Variants in GLT8D2 observed in about 807,000 individuals in gnomAD.
The protein encoded by GLT8D2 is glycosyltransferase 8 domain containing 2.
In GLT8D2, 45 loss-of-function variants were observed where a neutral mutation model predicts 44.5. The observed-to-expected ratio is 1.01, with a 90% CI of 0.80 to 1.30. GLT8D2 has a LOEUF of 1.30. Ranked by LOEUF, GLT8D2 falls within the 50% of genes most tolerant of loss-of-function variation. GLT8D2 has a pLI of 0.00. For synonymous variants in GLT8D2, 156 were observed against 157.2 expected (o/e 0.99, Z 0.06); for missense variants, 400 against 430.4 (o/e 0.93, Z 0.62).
intron 3 of GLT8D2, among the ~76,000 whole-genome samples, chr12:104,016,199 A>G (rs980049617): frequency 4.6e-5 from 7 of 152,196 alleles, no homozygotes; most frequent in African/African-American, 1.4e-4. Flanking sequence ...CCCATTTAGT[A>G]TGATACTAGC....
At chr12:104,045,925 AAG>A (rs1334547178) in intron 1 of GLT8D2, among the ~76,000 whole-genome samples, 6 of 148,856 alleles carry the variant, frequency 4.0e-5, no homozygotes, top group South Asian at 2.2e-4. Context: ...GAAAGAAAGA[AAG>A]AAAGAAAGAA....
chr12:104,036,879 T>A (rs1879980895), intron 1 of GLT8D2, among the ~76,000 whole-genome samples: 1 of 152,164 alleles, frequency 6.6e-6, no homozygotes, highest in South Asian at 2.1e-4. Flanking sequence ...AGCACCACAC[T>A]GCACTTATTC....
chr12:104,009,706 C>T (rs187393358), intron 4 of GLT8D2, among the ~76,000 whole-genome samples: 7 of 152,284 alleles, frequency 4.6e-5, no homozygotes, highest in Admixed American at 4.6e-4. Context: ...CCCATATTTC[C>T]CACATGTTGT....
chr12:104,000,641 T>C (rs888302674), intron 5 of GLT8D2, among the ~76,000 whole-genome samples: 3 of 152,238 alleles, frequency 2.0e-5, no homozygotes, highest in Non-Finnish European at 4.4e-5. Flanking sequence ...GGTTCATGCC[T>C]TTTGTTAAGG....
chr12:104,019,286 C>T (rs887874909), intron 3 of GLT8D2, among the ~76,000 whole-genome samples: 1 of 152,004 alleles, frequency 6.6e-6, no homozygotes, highest in Non-Finnish European at 1.5e-5. Flanking sequence ...CGCCACCATG[C>T]CTGGCTAATT....
At chr12:103,996,275 G>T (rs1235150494) in intron 8 of GLT8D2, among the ~76,000 whole-genome samples, 1 of 152,126 alleles carries the variant, frequency 6.6e-6, no homozygotes, top group Admixed American at 6.5e-5. Flanking sequence ...TCTTCTACTG[G>T]AAGGGGGATA....
chr12:104,048,315 C>T (rs7315396), intron 1 of GLT8D2, among the ~76,000 whole-genome samples: 5,603 of 152,260 alleles, frequency 0.037, 183 homozygotes, highest in South Asian at 0.082. Flanking sequence ...GGAATCATTG[C>T]GTTAAACAAC....
At chr12:104,059,466 A>G (rs1054298128) in intron 1 of GLT8D2, among the ~76,000 whole-genome samples, 1 of 152,238 alleles carries the variant, frequency 6.6e-6, no homozygotes, top group East Asian at 1.9e-4. Flanking sequence ...ACAGCAGGAA[A>G]GAGTAAGAGA....
chr12:104,010,813 T>G (rs1875738605), intron 4 of GLT8D2, among the ~76,000 whole-genome samples: 2 of 152,174 alleles, frequency 1.3e-5, no homozygotes, highest in Admixed American at 1.3e-4. Flanking sequence ...TTTGCTGGAA[T>G]GAACTAAATG....
At chr12:104,020,446 T>C (rs1051555069) in intron 2 of GLT8D2, among the ~76,000 whole-genome samples, 4 of 152,204 alleles carry the variant, frequency 2.6e-5, no homozygotes, top group Non-Finnish European at 5.9e-5. Flanking sequence ...ATTCATTCAG[T>C]ATTTACATAT....
At chr12:104,017,442 C>T (rs1474398268) in intron 3 of GLT8D2, among the ~76,000 whole-genome samples, 1 of 152,118 alleles carries the variant, frequency 6.6e-6, no homozygotes, top group Non-Finnish European at 1.5e-5. Flanking sequence ...CCTGCCTCAG[C>T]CTCCCGAGTA....
intron 1 of GLT8D2, among the ~76,000 whole-genome samples, chr12:104,047,255 G>T (rs143829205): frequency 6.6e-6 from 1 of 150,826 alleles, no homozygotes; most frequent in African/African-American, 2.4e-5. Flanking sequence ...TAGATAGCAC[G>T]TTCTAGCTGT....
chr12:104,008,596 C>T (rs1692754329), intron 4 of GLT8D2, among the ~76,000 whole-genome samples: 2 of 152,216 alleles, frequency 1.3e-5, no homozygotes, highest in African/African-American at 4.8e-5. Flanking sequence ...AAGCTGGCTG[C>T]AGAAATTTGC....
chr12:103,993,599 CT>C (rs1266905415), intron 9 of GLT8D2, 95 bp from the exon 10 acceptor site: 1 of 774,156 alleles, frequency 1.3e-6, no homozygotes, highest in Non-Finnish European at 2.1e-6. Context: ...AAGACATTAT[CT>C]CACTATGTAC....
chr12:104,050,272 C>CA (rs1478870473), upstream of GLT8D2: 1 of 152,138 alleles, frequency 6.6e-6, no homozygotes, highest in Non-Finnish European at 1.5e-5. Context: ...GCAAAACATG[C>CA]AAAAAACAAC....
rs57109528 is a variant in GLT8D2, at chr12:104,007,233, G to GCTCTCTCTCTCTCTCTCTCT, written c.113-3947_113-3928dup. Among the ~76,000 whole-genome samples the GCTCTCTCTCTCTCTCTCTCT allele has an allele frequency of 6.8e-3, 449 of 66,354 alleles. 37 individuals are homozygous for GCTCTCTCTCTCTCTCTCTCT. Among genetic ancestry groups the GCTCTCTCTCTCTCTCTCTCT allele is most frequent in the Middle Eastern group, 0.016 (1 of 64 alleles). The allele number at this position is 66,354 out of a possible 152,430, so 43.5% of individuals were successfully genotyped here. ...AGTACTCATCTGATTTATACTTAAA[G>GCTCTCTCTCTCTCTCTCTCT]CTCTCTCTCTCTCTCTCTCTCTCTC... On this transcript the variant is annotated intron_variant, in intron 4 of 10. Transcript: ENST00000360814.
At chr12:103,998,578 T>G (rs1593530438) in intron 6 of GLT8D2, among the ~76,000 whole-genome samples, 1 of 152,096 alleles carries the variant, frequency 6.6e-6, no homozygotes, top group South Asian at 2.1e-4. Flanking sequence ...CCCAGCTAAT[T>G]TTTGTATTTT....
chr12:103,990,448 C>T (rs1321309835), intron 10 of GLT8D2, among the ~76,000 whole-genome samples: 1 of 152,050 alleles, frequency 6.6e-6, no homozygotes, highest in East Asian at 1.9e-4. Context: ...CCTAACAGTG[C>T]CATTGCTTAG....
intron 1 of GLT8D2, among the ~76,000 whole-genome samples, chr12:104,039,347 A>G (rs2136465814): frequency 6.6e-6 from 1 of 152,330 alleles, no homozygotes; most frequent in Non-Finnish European, 1.5e-5. Flanking sequence ...CTACCATCAG[A>G]GTGAATAGGC....
Sources: allele counts gnomAD v4.1 joint callset (sites outside exome capture counted in the v4.1 genomes callset), GRCh38; gene constraint gnomAD v4.1.1; transcripts MANE v1.5; gene names NCBI Gene and HGNC (gene_info 2026-07-23, HGNC 2026-07-21).